APP: variants seen among roughly 807,000 people sequenced by gnomAD.
APP encodes the protein amyloid-beta precursor protein.
APP carries 31 observed loss-of-function variants against 101.4 expected under a neutral mutation model. The observed-to-expected ratio is 0.31, with a 90% CI of 0.23 to 0.41. The LOEUF (loss-of-function observed/expected upper bound fraction) is 0.41. APP is among the 10% of genes least tolerant of loss of function. The pLI, the probability that APP is intolerant of heterozygous loss-of-function variation, is 1.00. For missense variants in APP, 839 were observed against 1,003.7 expected, an observed-to-expected ratio of 0.84 and a Z score of 2.22; for synonymous variants, 366 against 364.4, an observed-to-expected ratio of 1.00 and a Z score of -0.05.
At chr21:26,079,597 C>CGGCATTTTTAT (rs1197251343) in intron 3 of APP, among the ~76,000 whole-genome samples, 1 of 152,144 alleles carries the variant, frequency 6.6e-6, no homozygotes, top group Non-Finnish European at 1.5e-5. Flanking sequence ...TTAAATCTGA[C>CGGCATTTTTAT]GGCATTTTTA....
intron 1 of APP, among the ~76,000 whole-genome samples, chr21:26,128,770 A>G (rs1569008882): frequency 6.6e-6 from 1 of 152,210 alleles, no homozygotes; most frequent in Non-Finnish European, 1.5e-5. Flanking sequence ...TTTAAAACCA[A>G]GGTTTCCCAA....
At chr21:26,146,318 ATC>A (rs1423059530) in intron 1 of APP, among the ~76,000 whole-genome samples, 2 of 152,272 alleles carry the variant, frequency 1.3e-5, no homozygotes, top group African/African-American at 4.8e-5. Context: ...GCAAAGAAAT[ATC>A]TGTTATCAAT....
Position 25,946,030 on chromosome 21 carries a change from G to A in APP, c.1687+8560C>T, listed in dbSNP as rs2040805814. The A allele has an allele frequency of 2.1e-5, 8 of 377,750 alleles. No individual in the cohort carries two copies. The Middle Eastern group carries it at 2.2e-3, about 104-fold the overall frequency. 23.4% of individuals were successfully genotyped at this position (377,750 alleles called of 1,614,324 possible). A position where few individuals can be genotyped will look rare whatever the true frequency, so the allele number is the denominator to read the frequency against. ...GTGCTGGGACACTGGATATTTATAT[G>A]CAAAAGAATAAAGTCAAACCTCTAC... On this transcript the variant is annotated intron_variant, in intron 13 of 17. Coordinates refer to ENST00000346798, the MANE Select transcript of APP (RefSeq NM_000484.4).
intron 3 of APP, among the ~76,000 whole-genome samples, chr21:26,087,566 T>A (rs895032855): frequency 6.6e-6 from 1 of 152,180 alleles, no homozygotes; most frequent in African/African-American, 2.4e-5. Flanking sequence ...AATCTGATAA[T>A]GGTTGATGGC....
chr21:25,911,134 T>C (rs911025356), intron 14 of APP, among the ~76,000 whole-genome samples: 4 of 152,234 alleles, frequency 2.6e-5, no homozygotes, highest in African/African-American at 9.6e-5. Context: ...GAACTTAGTC[T>C]CCTGGTGCCT....
chr21:26,139,116 CAAT>C (rs1259148842), intron 1 of APP, among the ~76,000 whole-genome samples: 2 of 151,546 alleles, frequency 1.3e-5, no homozygotes, highest in Non-Finnish European at 2.9e-5. Context: ...CTACAAAAAA[CAAT>C]GATGCAACAT....
rs1288678369 is a variant in APP, at chr21:26,088,065, G to A, written c.355+1878C>T. On this transcript the variant is annotated intron_variant, in intron 3 of 17. Transcript: ENST00000346798. ...TTGCCCAGGCTGGTCTCTAACTGCT[G>A]GGCTCAAGCAATCTTCCCACCTCGG... is the stretch of plus-strand genomic sequence containing the variant. 2.6e-5 allele frequency among the ~76,000 whole-genome samples: 4 copies of A among 152,086 alleles called. No individual in the cohort carries two copies. The South Asian group carries it at 6.2e-4, about 24-fold the overall frequency.
At chr21:26,164,639 A>C (rs144014633) in intron 1 of APP, among the ~76,000 whole-genome samples, 34 of 152,258 alleles carry the variant, frequency 2.2e-4, no homozygotes, top group African/African-American at 7.5e-4. Context: ...AGATCACTTG[A>C]GGTCAGGAGT....
chr21:26,003,634 T>C (rs2043388259), intron 6 of APP, among the ~76,000 whole-genome samples: 1 of 152,246 alleles, frequency 6.6e-6, no homozygotes. Context: ...GTGCTTTTGT[T>C]ACTTCTCAAT....
chr21:26,091,405 G>A (rs1282185710), intron 2 of APP, among the ~76,000 whole-genome samples: 2 of 152,168 alleles, frequency 1.3e-5, no homozygotes, highest in Non-Finnish European at 2.9e-5. Flanking sequence ...AGGAGTTGCA[G>A]TGATTGGTCA....
Position 25,896,997 on chromosome 21 carries a change from C to A in APP, c.2064+576G>T, listed in dbSNP as rs1396774719. On this transcript the variant is annotated intron_variant, in intron 16 of 17. Transcript: ENST00000346798. ...ATCCTTCAAATAAACCTATTGTAAA[C>A]CTATTTTCCCAGAAAACACAGTGGA... 2.0e-5 allele frequency among the ~76,000 whole-genome samples: 3 copies of A among 152,168 alleles called. No homozygotes were observed. In the East Asian group the frequency reaches 5.8e-4, roughly 29 times the overall value.
chr21:26,070,900 T>G (rs1202752214), intron 3 of APP, among the ~76,000 whole-genome samples: 1 of 152,200 alleles, frequency 6.6e-6, no homozygotes, highest in Non-Finnish European at 1.5e-5. Flanking sequence ...AACTTAGTCA[T>G]CCTCTTTTAT....
At chr21:26,058,345 T>C (rs2046124454) in intron 3 of APP, among the ~76,000 whole-genome samples, 1 of 152,194 alleles carries the variant, frequency 6.6e-6, no homozygotes, top group Non-Finnish European at 1.5e-5. Context: ...CACATGCACC[T>C]GCAAGGGAAT....
intron 3 of APP, among the ~76,000 whole-genome samples, chr21:26,087,698 G>GAT (rs1031489221): frequency 1.6e-4 from 24 of 152,308 alleles, no homozygotes; most frequent in African/African-American, 5.5e-4. Context: ...TCAGTGGAAT[G>GAT]ATATATTTTC....
At chr21:25,962,066 A>G (rs1390391503) in intron 11 of APP, among the ~76,000 whole-genome samples, 1 of 152,210 alleles carries the variant, frequency 6.6e-6, no homozygotes, top group Non-Finnish European at 1.5e-5. Context: ...GAACAGAGGA[A>G]GAGATCTGTC....
chr21:26,112,704 T>A (rs1460962218), intron 1 of APP, among the ~76,000 whole-genome samples: 1 of 152,232 alleles, frequency 6.6e-6, no homozygotes, highest in African/African-American at 2.4e-5. Flanking sequence ...CAAATATAAC[T>A]GAGTATGTTG....
At chr21:26,049,821 A>G (rs45496397) in intron 5 of APP, among the ~76,000 whole-genome samples, 68 of 152,302 alleles carry the variant, frequency 4.5e-4, no homozygotes, top group African/African-American at 1.6e-3. Context: ...GGAGGTGATT[A>G]TGAGGGAAGA....
At chr21:26,111,142 T>C (rs1271502965) in intron 2 of APP, among the ~76,000 whole-genome samples, 1 of 151,360 alleles carries the variant, frequency 6.6e-6, no homozygotes, top group Non-Finnish European at 1.5e-5. Flanking sequence ...TTGTACTTTT[T>C]TTGTACAAGA....
At chr21:25,988,839 CTG>C (rs59036058) in intron 8 of APP, among the ~76,000 whole-genome samples, 47,002 of 151,560 alleles carry the variant, frequency 0.31, 8,316 homozygotes, top group African/African-American at 0.48. Context: ...CACCAAAATG[CTG>C]TATTACCTCA....
Sources: gnomAD v4.1 joint callset for allele counts (sites outside exome capture counted in the v4.1 genomes callset) on GRCh38, gnomAD v4.1.1 for gene constraint, MANE v1.5 for transcripts, NCBI Gene and HGNC (gene_info 2026-07-23, HGNC 2026-07-21) for gene names.